PHRF1: variants seen among roughly 807,000 people sequenced by gnomAD.
The protein encoded by PHRF1 is PHD and RING finger domain-containing protein 1.
Under a neutral mutation model 128.9 loss-of-function variants are expected in PHRF1, and 53 were observed. The observed-to-expected ratio is 0.41, with a 90% CI of 0.33 to 0.52. PHRF1 has a LOEUF of 0.52. PHRF1 is among the 20% of genes least tolerant of loss of function. PHRF1 has a pLI of 0.21. For missense variants in PHRF1, 2,503 were observed against 2,284.5 expected (o/e 1.10, Z -1.95); for synonymous variants, 1,178 against 980.6 (o/e 1.20, Z -3.76).
At position 608,505 on chromosome 11, in the gene PHRF1, ACGCGC is replaced by A. The variant is rs1856108860; in HGVS notation, c.3050_3054del (p.Thr1017IlefsTer6). 3 of 1,448,518 alleles carry A rather than the reference ACGCGC, an allele frequency of 2.1e-6. No homozygotes were observed. In the African/African-American group the frequency reaches 6.2e-5, roughly 30 times the overall value. The allele number at this position is 1,448,518 out of a possible 1,614,324, so 89.7% of individuals were successfully genotyped here. On this transcript the variant is annotated frameshift_variant, in exon 14 of 18. Coordinates refer to ENST00000264555, the MANE Select transcript of PHRF1 (RefSeq NM_001286581.2). LOFTEE classifies it high-confidence loss of function. ...GAGGGTGTCCAGGGAGCACGGACGG[ACGCGC>A]TCTGGGACGCGCTCTGAATCCAGGG...
At position 611,829 on chromosome 11, in the gene PHRF1, C is replaced by G; in HGVS notation, c.*52C>G. 3 of 1,536,708 alleles carry G rather than the reference C, an allele frequency of 2.0e-6. No individual in the cohort carries two copies. Among genetic ancestry groups the G allele is most frequent in the African/African-American group, 1.4e-5 (1 of 72,224 alleles). ...GGGAGCTGTCGGGAGTGGCGGGAAT[C>G]GGGGCCATGCCCGGGGAGCTGTCGG... On this transcript the variant is annotated 3_prime_UTR_variant, in exon 18 of 18. Transcript: ENST00000264555.
At chr11:609,824 C>T (rs1411557506) in intron 14 of PHRF1, 104 bp downstream of exon 14, 81 of 738,368 alleles carry the variant, frequency 1.1e-4, no homozygotes, top group South Asian at 2.3e-4. Context: ...CGGCCTCCAC[C>T]GAGGACAGAG....
chr11:595,897 C>A (rs567577386), intron 6 of PHRF1, among the ~76,000 whole-genome samples: 8 of 152,352 alleles, frequency 5.3e-5, no homozygotes, highest in Admixed American at 5.2e-4. Context: ...CCCGCCGCCC[C>A]CCTCTGCTGG....
chr11:593,091 T>C (rs1365093533), intron 6 of PHRF1, among the ~76,000 whole-genome samples: 1 of 152,204 alleles, frequency 6.6e-6, no homozygotes, highest in African/African-American at 2.4e-5. Context: ...TGTCCAGTTA[T>C]GCTGCACCTG....
chr11:607,427 A>G lies in PHRF1; in HGVS notation c.1971A>G (p.Pro657=), dbSNP rs1161331948. The change falls in exon 14 of 18, where the codon CCA becomes CCG. Residue 657 remains proline (P), a synonymous_variant. Coordinates refer to ENST00000264555, the MANE Select transcript of PHRF1 (RefSeq NM_001286581.2). ...TCTCAAGCAGAGATTCTAAGCCCCCATGTCGCAGTGTGGTGCCGGGGCCTC... is the reference window on the plus strand; with the variant it reads ...TCTCAAGCAGAGATTCTAAGCCCCCGTGTCGCAGTGTGGTGCCGGGGCCTC... ...SKISSRDSKP[P]CRSVVPGPPL... is the part of the protein sequence containing the mutation. 5.6e-6 allele frequency: 9 copies of G among 1,612,654 alleles called. 1 individual carries two copies. The highest frequency in any genetic ancestry group is 2.2e-5 in the South Asian group (2 of 91,082).
In PHRF1 at chr11:576,557, G is replaced by A. The variant is rs1853836841; in HGVS notation, c.-57G>A. On this transcript the variant is annotated 5_prime_UTR_variant, in exon 1 of 18. Transcript: ENST00000264555. The stretch of plus-strand genomic sequence containing the variant: ...ACTCTCGGTCGTGCAGCGGCGGCGA[G>A]CGCTCGCGAGCGGCTGCGGGACGCG... 6.6e-6 allele frequency: 1 copy of A among 152,066 alleles called. No homozygotes were observed. The highest frequency in any genetic ancestry group is 1.9e-4 in the South Asian group (1 of 5,344). The allele number at this position is 152,066 out of a possible 1,614,324, so 9.4% of individuals were successfully genotyped here.
chr11:594,254 C>G (rs923699179), intron 6 of PHRF1, among the ~76,000 whole-genome samples: 4 of 151,790 alleles, frequency 2.6e-5, no homozygotes, highest in African/African-American at 9.7e-5. Context: ...TGGACACGGC[C>G]TGAGAGACCA....
At position 598,470 on chromosome 11, in the gene PHRF1, C is replaced by A. The variant is rs779504014; in HGVS notation, c.992C>A (p.Pro331Gln). ...STAVYQRPLTPRTPARRKRKT... is the reference protein window; with the variant it reads ...STAVYQRPLTQRTPARRKRKT... ...GCCGTGTATCAGCGCCCCCTGACGC[C>A]GCGCACTCCCGCCCGACGGAAGAGG... The change falls in exon 9 of 18, where the codon CCG becomes CAG. Residue 331 changes from proline (P) to glutamine (Q), a missense_variant. By Grantham distance (76) the Pro-to-Gln change is moderately conservative (BLOSUM62 -1). Coordinates refer to ENST00000264555, the MANE Select transcript of PHRF1 (RefSeq NM_001286581.2). 1.2e-6 allele frequency: 2 copies of A among 1,610,156 alleles called. No homozygotes were observed. The highest frequency in any genetic ancestry group is 2.2e-5 in the East Asian group (1 of 44,856).
chr11:606,853 G>C (rs1564862326), intron 13 of PHRF1: 14 of 916,868 alleles, frequency 1.5e-5, no homozygotes, highest in Non-Finnish European at 2.2e-5. Context: ...TTAATATCGT[G>C]TCCTGATGGC....
rs1199711489 is a variant in PHRF1, at chr11:611,764, G to T, written c.4937G>T (p.Gly1646Val). Reference sequence around the variant, plus strand: ...GCCGGGGAGGAGCCGCCCACGCAGGGGGCCGAGGGCTGAGGCCAGGCAATC... The same window carrying T: ...GCCGGGGAGGAGCCGCCCACGCAGGTGGCCGAGGGCTGAGGCCAGGCAATC... Reference protein sequence around the residue: ...PEAGEEPPTQGAEG With the variant: ...PEAGEEPPTQVAEG Residue 1646 changes from glycine (G) to valine (V), a missense_variant, in exon 18 of 18, where the codon GGG (glycine) becomes GTG (valine). Coordinates refer to ENST00000264555, the MANE Select transcript of PHRF1 (RefSeq NM_001286581.2). 2.5e-6 allele frequency: 4 copies of T among 1,606,172 alleles called. No homozygotes were observed. In the African/African-American group the frequency reaches 4.0e-5, roughly 16 times the overall value.
intron 12 of PHRF1, among the ~76,000 whole-genome samples, chr11:606,233 C>G (rs1431674729): frequency 6.6e-6 from 1 of 151,654 alleles, no homozygotes; most frequent in East Asian, 1.9e-4. Context: ...GGGGCCAGAG[C>G]TGCGAGGTGG....
intron 9 of PHRF1, among the ~76,000 whole-genome samples, chr11:600,646 C>A (rs1855575316): frequency 6.6e-6 from 1 of 151,080 alleles, no homozygotes; most frequent in African/African-American, 2.4e-5. Flanking sequence ...GCCTGGCCAA[C>A]TTAACAAAAC....
intron 3 of PHRF1, among the ~76,000 whole-genome samples, chr11:582,759 C>T (rs529821452): frequency 3.3e-5 from 5 of 151,780 alleles, no homozygotes; most frequent in African/African-American, 9.6e-5. Context: ...CTCCTGACCT[C>T]GTGATCCGCC....
intron 4 of PHRF1, among the ~76,000 whole-genome samples, chr11:588,639 A>G (rs955625711): frequency 6.6e-6 from 1 of 151,472 alleles, no homozygotes; most frequent in African/African-American, 2.4e-5. Flanking sequence ...TCGGCCTCCC[A>G]AACTGCTGGG....
intron 5 of PHRF1, among the ~76,000 whole-genome samples, chr11:591,985 G>A (rs1854998675): frequency 1.3e-5 from 2 of 149,382 alleles, no homozygotes; most frequent in African/African-American, 2.5e-5. Flanking sequence ...GCACAATCTC[G>A]GCTCACTGCA....
Position 606,594 on chromosome 11 carries a change from C to T in PHRF1, c.1607C>T (p.Ala536Val), listed in dbSNP as rs1342783783. 6 of 1,598,582 alleles carry T rather than the reference C, an allele frequency of 3.8e-6. No individual in the cohort carries two copies. The highest frequency in any genetic ancestry group is 1.3e-5 in the African/African-American group (1 of 74,704). Residue 536 changes from alanine to valine, a missense_variant and splice_region_variant, in exon 13 of 18, where the codon GCG becomes GTG. By Grantham distance (64) the Ala-to-Val change is moderately conservative (BLOSUM62 0). Transcript: ENST00000264555. ...HRDGSLSAKR[A>V]APVSFQRNSG... ...GACGGCTCCCTCAGCGCCAAGAGGG[C>T]GGGTGAGTGCCTTCCCTGCCACGGC...
intron 10 of PHRF1, among the ~76,000 whole-genome samples, chr11:601,960 C>T (rs1279807770): frequency 6.6e-6 from 1 of 152,192 alleles, no homozygotes; most frequent in Non-Finnish European, 1.5e-5. Context: ...GTCATGTGCC[C>T]CCAAGGAACC....
At chr11:611,479 A>G (rs780254329) in intron 17 of PHRF1, among the ~76,000 whole-genome samples, 155 bp from the exon 18 acceptor site, 2 of 152,140 alleles carry the variant, frequency 1.3e-5, no homozygotes, top group Non-Finnish European at 2.9e-5. Context: ...GGGGTCTCAC[A>G]TAGGTGGGGC....
In PHRF1 at chr11:607,322, T is replaced by A. The variant is rs2133068400; in HGVS notation, c.1866T>A (p.Pro622=). The part of the protein sequence containing the change: ...QARNLSNGSV[P]GFRQSHSPWF... The stretch of plus-strand genomic sequence containing the variant: ...GGAACTTGTCAAATGGGAGTGTGCC[T>A]GGCTTCAGACAGAGCCACAGCCCCT... The change falls in exon 14 of 18, where the codon CCT becomes CCA. Residue 622 remains proline, a synonymous_variant. Transcript: ENST00000264555. 4 of 1,612,712 alleles carry A rather than the reference T, an allele frequency of 2.5e-6. No individual in the cohort carries two copies. The East Asian group carries it at 8.9e-5, about 36-fold the overall frequency.
Sources: allele counts gnomAD v4.1 joint callset (sites outside exome capture counted in the v4.1 genomes callset), GRCh38; gene constraint gnomAD v4.1.1; transcripts MANE v1.5; gene names NCBI Gene and HGNC (gene_info 2026-07-23, HGNC 2026-07-21).